AHI1: variants seen among roughly 807,000 people sequenced by gnomAD.
AHI1 encodes jouberin.
In AHI1, 123 loss-of-function variants were observed where a neutral mutation model predicts 149.3. That is an observed-to-expected ratio of 0.82 (90% CI 0.71 to 0.96). AHI1 has a LOEUF of 0.96. Among genes scored for constraint, AHI1 ranks in the 40% least tolerant of loss-of-function variants. The probability of loss-of-function intolerance (pLI) is 0.00; values close to 1 mark genes in which losing one functional copy is unlikely to be tolerated. For synonymous variants in AHI1, 475 were observed against 459.8 expected (o/e 1.03, Z -0.42); for missense variants, 1,439 against 1,422.7 (o/e 1.01, Z -0.18).
intron 24 of AHI1, among the ~76,000 whole-genome samples, chr6:135,332,582 A>G (rs1017052336): frequency 6.6e-6 from 1 of 152,222 alleles, no homozygotes; most frequent in Non-Finnish European, 1.5e-5. Flanking sequence ...CTGAAGTTCT[A>G]TGTCATCAAA....
intron 23 of AHI1, among the ~76,000 whole-genome samples, chr6:135,365,121 G>T (rs1773979348): frequency 6.6e-6 from 1 of 152,218 alleles, no homozygotes; most frequent in African/African-American, 2.4e-5. Flanking sequence ...TCGAAGATCA[G>T]TTGGCTGTTA....
intron 22 of AHI1, among the ~76,000 whole-genome samples, chr6:135,395,750 G>A (rs1331618325): frequency 6.6e-6 from 1 of 151,416 alleles, no homozygotes; most frequent in African/African-American, 2.4e-5. Context: ...ATCTATTTTG[G>A]AGAAATTGAC....
chr6:135,434,869 T>C (rs1046746730), intron 15 of AHI1, among the ~76,000 whole-genome samples: 2 of 152,216 alleles, frequency 1.3e-5, no homozygotes, highest in South Asian at 2.1e-4. Context: ...GTGGGAGCCA[T>C]TACATATGGA....
chr6:135,385,455 T>C (rs1777445505), intron 23 of AHI1, among the ~76,000 whole-genome samples: 1 of 152,190 alleles, frequency 6.6e-6, no homozygotes, highest in Non-Finnish European at 1.5e-5. Flanking sequence ...ATGTGTCAAA[T>C]GCTGCTGATA....
chr6:135,324,324 T>C (rs1295336620), intron 24 of AHI1, among the ~76,000 whole-genome samples: 3 of 151,596 alleles, frequency 2.0e-5, no homozygotes, highest in Non-Finnish European at 4.4e-5. Flanking sequence ...GAAGACCTTG[T>C]CTCTAAAAAA....
At chr6:135,442,839 C>G in intron 13 of AHI1, 125 bp from the exon 14 acceptor site, 1 of 886,382 alleles carries the variant, frequency 1.1e-6, no homozygotes, top group South Asian at 2.6e-5. Context: ...AAAACAAGTA[C>G]GCAGAATGGT....
chr6:135,494,084 T>C (rs141791046), intron 3 of AHI1, among the ~76,000 whole-genome samples: 22 of 152,224 alleles, frequency 1.4e-4, no homozygotes, highest in African/African-American at 4.8e-4. Flanking sequence ...GAATCGGAGA[T>C]AATTCCCATG....
intron 5 of AHI1, among the ~76,000 whole-genome samples, chr6:135,481,770 C>A (rs1185549565): frequency 6.8e-6 from 1 of 146,908 alleles, no homozygotes; most frequent in Non-Finnish European, 1.5e-5. Flanking sequence ...CTTTTGTGCA[C>A]CTCAAAAAGT....
intron 18 of AHI1, 28 bp from the exon 19 acceptor site, chr6:135,428,787 T>C (rs914462306): frequency 1.3e-6 from 2 of 1,571,678 alleles, no homozygotes; most frequent in African/African-American, 1.4e-5. Context: ...TTTACAAATG[T>C]AACTGTCTTA....
rs112269669 is a variant in AHI1 at position 135,376,138 on chromosome 6, T to G, written c.3110-17951A>C. 9.4e-3 allele frequency among the ~76,000 whole-genome samples: 1,427 copies of G among 152,108 alleles called. 21 individuals carry two copies. The highest frequency in any genetic ancestry group is 0.032 in the African/African-American group (1,332 of 41,490). On this transcript the variant is annotated intron_variant, in intron 23 of 28. Coordinates refer to ENST00000265602, the MANE Select transcript of AHI1 (RefSeq NM_001134831.2). ...AGTGGTGGGGGCAAAGAAAACACTC[T>G]ACTGAAGAATAAGGTGATAACAGCA...
intron 27 of AHI1, among the ~76,000 whole-genome samples, chr6:135,296,181 T>A (rs2068235926): frequency 6.6e-6 from 1 of 152,194 alleles, no homozygotes. Context: ...CAAGTGTATC[T>A]CTTTATAAGT....
At chr6:135,457,978 A>G (rs1789246787) in intron 8 of AHI1, among the ~76,000 whole-genome samples, 1 of 152,222 alleles carries the variant, frequency 6.6e-6, no homozygotes, top group Non-Finnish European at 1.5e-5. Context: ...AAAGAGAGTC[A>G]AAGTCAGAAA....
chr6:135,400,751 T>C lies in AHI1; in HGVS notation c.2988+4200A>G, dbSNP rs138353122. ...GCAGGTAGCTTTCATGTTCACCTTATCTTTTGAAAAGTGTCAATTTACTGA... is the reference window on the plus strand; with the variant it reads ...GCAGGTAGCTTTCATGTTCACCTTACCTTTTGAAAAGTGTCAATTTACTGA... On this transcript the variant is annotated intron_variant, in intron 22 of 28. Transcript: ENST00000265602. Among the ~76,000 whole-genome samples the C allele has an allele frequency of 3.2e-3, 490 of 152,354 alleles. 3 individuals carry two copies. Among genetic ancestry groups the C allele is most frequent in the African/African-American group, 0.011 (448 of 41,580 alleles).
At chr6:135,439,289 A>G (rs1277372464) in intron 14 of AHI1, among the ~76,000 whole-genome samples, 4 of 152,220 alleles carry the variant, frequency 2.6e-5, no homozygotes, top group Non-Finnish European at 5.9e-5. Flanking sequence ...CATTCTGAGT[A>G]GTGTTATGAA....
At chr6:135,343,881 A>G (rs1790752534) in intron 24 of AHI1, among the ~76,000 whole-genome samples, 1 of 152,042 alleles carries the variant, frequency 6.6e-6, no homozygotes, top group African/African-American at 2.4e-5. Context: ...TGACAAAATA[A>G]AAAAGTAAAC....
At chr6:135,433,347 TAAGC>T (rs1378163846) in intron 15 of AHI1, 91 bp from the exon 16 acceptor site, 1 of 841,228 alleles carries the variant, frequency 1.2e-6, no homozygotes, top group Non-Finnish European at 1.8e-6. Flanking sequence ...CAATGAACCT[TAAGC>T]AAGCAAGTGA....
Position 135,382,894 on chromosome 6 carries a change from TAAAAAAAAAAAA to T in AHI1, c.3109+11870_3109+11881del, listed in dbSNP as rs573438726. On this transcript the variant is annotated intron_variant, in intron 23 of 28. Transcript: ENST00000265602. ...CGGTGCCCATCCTAAGCAAAATTAG[TAAAAAAAAAAAA>T]AAAAAAAAAAAAAAAAAAAAATATA... Among the ~76,000 whole-genome samples, 144 of 15,540 alleles carry T rather than the reference TAAAAAAAAAAAA, an allele frequency of 9.3e-3. 1 individual carries two copies. Among genetic ancestry groups the T allele is most frequent in the African/African-American group, 0.039 (131 of 3,356 alleles). 10.2% of individuals were successfully genotyped at this position (15,540 alleles called of 152,430 possible). A position where few individuals can be genotyped will look rare whatever the true frequency, so the allele number is the denominator to read the frequency against.
chr6:135,350,221 T>A (rs1791870336), intron 24 of AHI1, among the ~76,000 whole-genome samples: 1 of 152,192 alleles, frequency 6.6e-6, no homozygotes. Flanking sequence ...TCATCATGCC[T>A]CCTAGTGTGA....
intron 24 of AHI1, among the ~76,000 whole-genome samples, chr6:135,339,086 T>C (rs1251464726): frequency 1.3e-5 from 2 of 151,566 alleles, no homozygotes; most frequent in African/African-American, 2.4e-5. Context: ...CACCACCATG[T>C]CCCAGGGCTC....
Sources: allele counts gnomAD v4.1 joint callset (sites outside exome capture counted in the v4.1 genomes callset), GRCh38; gene constraint gnomAD v4.1.1; transcripts MANE v1.5; gene names NCBI Gene and HGNC (gene_info 2026-07-23, HGNC 2026-07-21).